HTR3B: variants seen among roughly 807,000 people sequenced by gnomAD.
HTR3B encodes 5-hydroxytryptamine (serotonin) receptor 3B, ionotropic.
In HTR3B, 44 loss-of-function variants were observed where a neutral mutation model predicts 42.8. The observed-to-expected ratio is 1.03, with a 90% CI of 0.81 to 1.32. The LOEUF (loss-of-function observed/expected upper bound fraction) is 1.32, where lower values mean the gene tolerates loss of function less well. Ranked by LOEUF, HTR3B falls within the 40% of genes most tolerant of loss-of-function variation. The pLI is 0.00. For synonymous variants in HTR3B, 203 were observed against 209.0 expected (o/e 0.97, Z 0.25); for missense variants, 527 against 536.5 (o/e 0.98, Z 0.17).
intron 2 of HTR3B, among the ~76,000 whole-genome samples, chr11:113,930,985 A>G (rs1169946805): frequency 6.6e-6 from 1 of 152,226 alleles, no homozygotes; most frequent in Non-Finnish European, 1.5e-5. Flanking sequence ...CAGTTGAGCT[A>G]ACACTCATTG....
chr11:113,945,903 G>A lies in HTR3B; in HGVS notation c.1092G>A (p.Glu364=). The change falls in exon 9 of 9, where the codon GAG becomes GAA. Residue 364 remains glutamate (E), a splice_region_variant and synonymous_variant. Coordinates refer to ENST00000260191, the MANE Select transcript of HTR3B (RefSeq NM_006028.5). ...AGGGTGTTTTCCTCCATCACACAGA[G>A]TCCTCGCTGTATGGAGAGCACCTGG... is the stretch of plus-strand genomic sequence containing the variant. ...EPRAQRAVVT[E]SSLYGEHLAQ... The A allele has an allele frequency of 6.2e-7, 1 of 1,612,924 alleles. No individual in the cohort carries two copies. Among genetic ancestry groups the A allele is most frequent in the South Asian group, 1.1e-5 (1 of 91,060 alleles).
rs1436280403 is a variant in HTR3B at position 113,933,077 on chromosome 11, C to T, written c.680C>T (p.Ala227Val). ...CTGCAGAGCAGCGCTGGAGGATTTG[C>T]ACAGATTCAGTTTAATGTAGGTTCT... ...SILQSSAGGF[A>V]QIQFNVVMRR... Residue 227 changes from alanine to valine, a missense_variant, in exon 6 of 9, where the codon GCA becomes GTA. Coordinates refer to ENST00000260191, the MANE Select transcript of HTR3B (RefSeq NM_006028.5). 1.9e-6 allele frequency: 3 copies of T among 1,613,934 alleles called. No homozygotes were observed. The highest frequency in any genetic ancestry group is 1.1e-5 in the South Asian group (1 of 91,024).
intron 1 of HTR3B, among the ~76,000 whole-genome samples, chr11:113,906,604 G>A (rs545665613): frequency 3.3e-5 from 5 of 152,232 alleles, no homozygotes; most frequent in African/African-American, 9.6e-5. Flanking sequence ...CTTTTTGAAA[G>A]GTTACTTGCT....
At chr11:113,901,310 G>A (rs1949696220), upstream of HTR3B, among the ~76,000 whole-genome samples, 1 of 152,016 alleles carries the variant, frequency 6.6e-6, no homozygotes, top group South Asian at 2.1e-4. Context: ...AGGTGTGGTG[G>A]CACACACATA....
At chr11:113,932,901 T>C (rs755162736) in intron 5 of HTR3B, 35 bp from the exon 6 acceptor site, 1 of 1,602,010 alleles carries the variant, frequency 6.2e-7, no homozygotes, top group Non-Finnish European at 8.5e-7. Flanking sequence ...CATCTCTTTC[T>C]CTCTGGGAAA....
At chr11:113,930,561 C>T (rs1950024441) in intron 2 of HTR3B, among the ~76,000 whole-genome samples, 1 of 149,388 alleles carries the variant, frequency 6.7e-6, no homozygotes, top group Admixed American at 6.7e-5. Context: ...CAAACATGGC[C>T]CACTGCAATC....
rs373095881 is a variant in HTR3B, at chr11:113,909,524, G to A, written c.213+69G>A. Reference sequence around the variant, plus strand: ...GAAACAGTCTGCAGTTCATGCAGGAGCCTATGAGAGGTTATATTCTTGAGA... The same window carrying A: ...GAAACAGTCTGCAGTTCATGCAGGAACCTATGAGAGGTTATATTCTTGAGA... On this transcript the variant is annotated intron_variant, in intron 2 of 8. Coordinates refer to ENST00000260191, the MANE Select transcript of HTR3B (RefSeq NM_006028.5). 4.7e-6 allele frequency: 6 copies of A among 1,264,604 alleles called. No homozygotes were observed. In the East Asian group the frequency reaches 9.5e-5, roughly 20 times the overall value. 78.3% of individuals were successfully genotyped at this position (1,264,604 alleles called of 1,614,324 possible).
At chr11:113,927,439 G>C (rs1449493720) in intron 2 of HTR3B, among the ~76,000 whole-genome samples, 1 of 151,936 alleles carries the variant, frequency 6.6e-6, no homozygotes, top group East Asian at 1.9e-4. Context: ...ATACTATAGA[G>C]GAAAAAATTC....
intron 2 of HTR3B, among the ~76,000 whole-genome samples, chr11:113,920,310 G>A (rs1338457794): frequency 1.3e-5 from 2 of 152,012 alleles, no homozygotes; most frequent in Non-Finnish European, 2.9e-5. Context: ...TTACAGGCGT[G>A]AGCCACCGCG....
chr11:113,924,624 CAAAAAAAAAA>C (rs34212177), intron 2 of HTR3B, among the ~76,000 whole-genome samples: 30 of 52,238 alleles, frequency 5.7e-4, no homozygotes, highest in African/African-American at 2.3e-3. Context: ...GACCTTGTCT[CAAAAAAAAAA>C]AAAAAAAAAA....
At chr11:113,919,555 G>A (rs898348527) in intron 2 of HTR3B, among the ~76,000 whole-genome samples, 2 of 152,094 alleles carry the variant, frequency 1.3e-5, no homozygotes, top group African/African-American at 2.4e-5. Context: ...TAGGCAGGGC[G>A]CTGTGGCTCA....
At chr11:113,903,218 A>G (rs957929439), upstream of HTR3B, among the ~76,000 whole-genome samples, 6 of 151,990 alleles carry the variant, frequency 3.9e-5, no homozygotes, top group African/African-American at 1.5e-4. Flanking sequence ...GTCCCACAGT[A>G]TGCCACTGTC....
chr11:113,905,023 T>A, intron 1 of HTR3B, 38 bp downstream of exon 1: 1 of 1,429,682 alleles, frequency 7.0e-7, no homozygotes, highest in African/African-American at 1.4e-5. Flanking sequence ...CATTAAGGAT[T>A]AACTCTTAGA....
chr11:113,899,782 A>AT, the HTR3B span, among the ~76,000 whole-genome samples: 1 of 152,214 alleles, frequency 6.6e-6, no homozygotes, highest in African/African-American at 2.4e-5. Flanking sequence ...AATAGGTGCC[A>AT]TATCTTACTT....
intron 1 of HTR3B, among the ~76,000 whole-genome samples, chr11:113,907,926 C>T (rs971549543): frequency 8.5e-5 from 13 of 152,252 alleles, no homozygotes; most frequent in African/African-American, 2.4e-4. Flanking sequence ...GGTACACCAG[C>T]GAGAAATGTT....
intron 6 of HTR3B, among the ~76,000 whole-genome samples, chr11:113,934,613 T>C (rs1950072491): frequency 6.6e-6 from 1 of 152,188 alleles, no homozygotes; most frequent in Admixed American, 6.5e-5. Flanking sequence ...TAATGTATAA[T>C]GCTGGCTAGT....
Position 113,904,891 on chromosome 11 carries a change from G to T in HTR3B, c.-43G>T. Reference sequence around the variant, plus strand: ...GGAGAAATTGAGCGGCATTCCATCTGGTAGGCAAGTTTGCATTTCTCCTTT... The same window carrying T: ...GGAGAAATTGAGCGGCATTCCATCTTGTAGGCAAGTTTGCATTTCTCCTTT... On this transcript the variant is annotated 5_prime_UTR_variant, in exon 1 of 9. Coordinates refer to ENST00000260191, the MANE Select transcript of HTR3B (RefSeq NM_006028.5). 1 of 1,531,344 alleles carries T rather than the reference G, an allele frequency of 6.5e-7. No homozygotes were observed. The highest frequency in any genetic ancestry group is 9.1e-7 in the Non-Finnish European group (1 of 1,104,734). The allele number at this position is 1,531,344 out of a possible 1,614,324, so 94.9% of individuals were successfully genotyped here. A position where few individuals can be genotyped will look rare whatever the true frequency, so the allele number is the denominator to read the frequency against.
intron 6 of HTR3B, among the ~76,000 whole-genome samples, chr11:113,940,216 T>C (rs1403787802): frequency 1.3e-5 from 2 of 152,182 alleles, no homozygotes; most frequent in Non-Finnish European, 2.9e-5. Context: ...CTGGGCTCTT[T>C]CTGCTTAACC....
chr11:113,933,772 C>T (rs1466237250), intron 6 of HTR3B, among the ~76,000 whole-genome samples: 1 of 152,188 alleles, frequency 6.6e-6, no homozygotes, highest in Non-Finnish European at 1.5e-5. Context: ...CCAGAGGCAG[C>T]CATTGTCCCA....
Sources: gnomAD v4.1 joint callset for allele counts (sites outside exome capture counted in the v4.1 genomes callset) on GRCh38, gnomAD v4.1.1 for gene constraint, MANE v1.5 for transcripts, NCBI Gene and HGNC (gene_info 2026-07-23, HGNC 2026-07-21) for gene names.